ATP8B4: variants seen among roughly 807,000 people sequenced by gnomAD.
ATP8B4 encodes probable phospholipid-transporting ATPase IM.
Under a neutral mutation model 145.6 loss-of-function variants are expected in ATP8B4, and 133 were observed. The observed-to-expected ratio is 0.91, with a 90% confidence interval of 0.79 to 1.05. The LOEUF is 1.05. Among genes scored for constraint, ATP8B4 ranks in the 50% least tolerant of loss-of-function variants. The pLI, the probability that ATP8B4 is intolerant of heterozygous loss-of-function variation, is 0.00. For missense variants in ATP8B4, 1,458 were observed against 1,425.2 expected, an observed-to-expected ratio of 1.02 and a Z score of -0.37; for synonymous variants, 507 against 492.9, an observed-to-expected ratio of 1.03 and a Z score of -0.38.
chr15:50,028,559 T>A (rs1299256740), intron 6 of ATP8B4, among the ~76,000 whole-genome samples: 1 of 152,120 alleles, frequency 6.6e-6, no homozygotes, highest in Admixed American at 6.5e-5. Context: ...CTCACACACC[T>A]TACCCAGAAG....
rs1255379742 is a variant in ATP8B4, at chr15:50,087,829, T to C, written c.29-13644A>G. On this transcript the variant is annotated intron_variant, in intron 2 of 27. Coordinates refer to ENST00000284509, the MANE Select transcript of ATP8B4 (RefSeq NM_024837.4). ...CAAAGGAAAAACTGAATTATCTAAGTCTCTCTTTAGAAAATTTTGTAACAA... is the reference window on the plus strand; with the variant it reads ...CAAAGGAAAAACTGAATTATCTAAGCCTCTCTTTAGAAAATTTTGTAACAA... 2.0e-5 allele frequency among the ~76,000 whole-genome samples: 3 copies of C among 152,098 alleles called. 1 individual carries two copies. The highest frequency in any genetic ancestry group is 4.1e-4 in the South Asian group (2 of 4,828).
intron 3 of ATP8B4, among the ~76,000 whole-genome samples, chr15:50,048,307 A>C (rs1433386534): frequency 6.6e-6 from 1 of 152,158 alleles, no homozygotes; most frequent in Non-Finnish European, 1.5e-5. Flanking sequence ...GAGAGCGAGA[A>C]GGTAGCCACA....
chr15:50,165,918 A>G (rs1327941893), intron 1 of ATP8B4, among the ~76,000 whole-genome samples: 6 of 151,848 alleles, frequency 4.0e-5, no homozygotes, highest in Admixed American at 2.0e-4. Flanking sequence ...AATTTTTCCA[A>G]AGATATAAAA....
At chr15:50,106,806 A>G (rs1352915098) in intron 2 of ATP8B4, 133 bp downstream of exon 2, 1 of 774,386 alleles carries the variant, frequency 1.3e-6, no homozygotes, top group African/African-American at 1.8e-5. Context: ...ATGGGTGTAT[A>G]TAATCGTCGA....
intron 4 of ATP8B4, among the ~76,000 whole-genome samples, chr15:50,046,455 A>T (rs530603084): frequency 1.5e-4 from 23 of 152,222 alleles, no homozygotes; most frequent in Non-Finnish European, 3.2e-4. Context: ...TCCTGATGAA[A>T]TTGTGCCCAT....
chr15:49,884,100 A>AT (rs1241956180), intron 23 of ATP8B4, among the ~76,000 whole-genome samples: 4 of 152,168 alleles, frequency 2.6e-5, no homozygotes, highest in Non-Finnish European at 4.4e-5. Flanking sequence ...TGGGTTCACT[A>AT]TTTTTTAACA....
intron 1 of ATP8B4, among the ~76,000 whole-genome samples, chr15:50,172,217 C>T (rs1052355016): frequency 6.6e-6 from 1 of 152,258 alleles, no homozygotes; most frequent in Admixed American, 6.5e-5. Flanking sequence ...GTACTGCCGC[C>T]ATCTCCGCTC....
chr15:49,960,168 T>C (rs2043943918), intron 14 of ATP8B4, among the ~76,000 whole-genome samples: 1 of 151,854 alleles, frequency 6.6e-6, no homozygotes. Flanking sequence ...GCTGGGACTA[T>C]AGGCACCACC....
intron 13 of ATP8B4, among the ~76,000 whole-genome samples, chr15:49,971,710 G>T (rs2045150938): frequency 6.6e-6 from 1 of 152,184 alleles, no homozygotes; most frequent in African/African-American, 2.4e-5. Context: ...GGAAGACAGT[G>T]TGGCAATTCC....
chr15:49,889,273 G>A (rs1299017674), intron 23 of ATP8B4, among the ~76,000 whole-genome samples: 4 of 152,140 alleles, frequency 2.6e-5, no homozygotes, highest in Admixed American at 2.6e-4. Context: ...GCAGGATCAG[G>A]ATCCTCCTCT....
At chr15:49,946,513 T>C (rs963983638) in intron 14 of ATP8B4, among the ~76,000 whole-genome samples, 1 of 152,214 alleles carries the variant, frequency 6.6e-6, no homozygotes, top group Admixed American at 6.5e-5. Context: ...CAATTTCCTG[T>C]TGCTTCCTTT....
intron 7 of ATP8B4, among the ~76,000 whole-genome samples, chr15:50,010,048 T>C (rs1443099124): frequency 6.6e-6 from 1 of 152,178 alleles, no homozygotes; most frequent in African/African-American, 2.4e-5. Flanking sequence ...TTGTTATTCT[T>C]GTAAATAACT....
chr15:50,083,819 AT>A (rs747842370), intron 2 of ATP8B4, among the ~76,000 whole-genome samples: 3 of 152,224 alleles, frequency 2.0e-5, no homozygotes, highest in Non-Finnish European at 4.4e-5. Flanking sequence ...TCCCAAAAAT[AT>A]TTATTGAGCT....
chr15:50,091,332 G>T (rs2055598637), intron 2 of ATP8B4, among the ~76,000 whole-genome samples: 1 of 152,104 alleles, frequency 6.6e-6, no homozygotes, highest in African/African-American at 2.4e-5. Flanking sequence ...GATCAAAGGG[G>T]TGTTCTGTAG....
chr15:50,077,092 T>C (rs1366789898), intron 2 of ATP8B4, among the ~76,000 whole-genome samples: 1 of 152,170 alleles, frequency 6.6e-6, no homozygotes, highest in Non-Finnish European at 1.5e-5. Context: ...GTAAGAGGAA[T>C]GAAAGGAAAC....
chr15:50,106,859 ATAAAT>A, intron 2 of ATP8B4, 75 bp downstream of exon 2: 6 of 1,401,814 alleles, frequency 4.3e-6, no homozygotes, highest in South Asian at 2.6e-5. Context: ...CTTTTTATAT[ATAAAT>A]TAAACTTCCA....
chr15:49,889,403 C>G (rs2036557271), intron 23 of ATP8B4, among the ~76,000 whole-genome samples: 1 of 152,162 alleles, frequency 6.6e-6, no homozygotes, highest in Admixed American at 6.5e-5. Flanking sequence ...GAAATTCCAC[C>G]CAACATAGGA....
rs148790302 is a variant in ATP8B4 at position 50,136,241 on chromosome 15, T to C, written c.-42-29233A>G. On this transcript the variant is annotated intron_variant, in intron 1 of 3. Transcript: ENST00000558829. ...ACCAGTGATTCCATATACAACACTG[T>C]CATATAATTTTTAGATTTTTCAAAG... Among the ~76,000 whole-genome samples the C allele has an allele frequency of 6.6e-5, 10 of 152,250 alleles. No homozygotes were observed. The East Asian group carries it at 1.9e-3, about 29-fold the overall frequency.
At chr15:50,051,435 C>A (rs1303896932) in intron 3 of ATP8B4, among the ~76,000 whole-genome samples, 15 of 152,112 alleles carry the variant, frequency 9.9e-5, no homozygotes, top group Non-Finnish European at 1.2e-4. Context: ...TTTTGTGCTA[C>A]AAGTTCTGGG....
Sources: allele counts gnomAD v4.1 joint callset (sites outside exome capture counted in the v4.1 genomes callset), GRCh38; gene constraint gnomAD v4.1.1; transcripts MANE v1.5; gene names NCBI Gene and HGNC (gene_info 2026-07-23, HGNC 2026-07-21).